ENOX1: variants seen among roughly 807,000 people sequenced by gnomAD.
ENOX1 encodes ecto-NOX disulfide-thiol exchanger 1, also known as candidate growth-related and time keeping constitutive hydroquinone (NADH) oxidase.
ENOX1 carries 42 observed loss-of-function variants against 82.5 expected under a neutral mutation model. The ratio of observed to expected loss-of-function variants is 0.51; its 90% CI spans 0.40 to 0.66. The LOEUF (loss-of-function observed/expected upper bound fraction) is 0.66. Among genes scored for constraint, ENOX1 ranks in the 30% least tolerant of loss-of-function variants. ENOX1 has a pLI of 0.00. For missense variants in ENOX1, 608 were observed against 811.6 expected, an observed-to-expected ratio of 0.75 and a Z score of 3.05; for synonymous variants, 271 against 282.2, an observed-to-expected ratio of 0.96 and a Z score of 0.40.
At chr13:43,559,895 GC>G (rs2079595772) in intron 2 of ENOX1, among the ~76,000 whole-genome samples, 1 of 152,128 alleles carries the variant, frequency 6.6e-6, no homozygotes, top group South Asian at 2.1e-4. Context: ...TATACTCTAG[GC>G]CTTTTCTTTA....
At chr13:43,364,365 A>G (rs189697130) in intron 5 of ENOX1, among the ~76,000 whole-genome samples, 3 of 152,282 alleles carry the variant, frequency 2.0e-5, no homozygotes, top group African/African-American at 7.2e-5. Flanking sequence ...AAAGAATCCA[A>G]TTACGTATAC....
At chr13:43,734,704 A>G (rs1381619279) in intron 1 of ENOX1, among the ~76,000 whole-genome samples, 1 of 152,178 alleles carries the variant, frequency 6.6e-6, no homozygotes, top group Non-Finnish European at 1.5e-5. Flanking sequence ...TAATGAAATC[A>G]CAGCATGCAC....
intron 2 of ENOX1, among the ~76,000 whole-genome samples, chr13:43,608,738 A>G (rs2082074920): frequency 6.6e-6 from 1 of 152,170 alleles, no homozygotes; most frequent in South Asian, 2.1e-4. Flanking sequence ...CATCCTATAT[A>G]TGAACCAAAG....
intron 13 of ENOX1, among the ~76,000 whole-genome samples, chr13:43,267,047 A>G (rs1234978221): frequency 1.3e-5 from 2 of 150,434 alleles, no homozygotes; most frequent in Non-Finnish European, 3.0e-5. Context: ...TTCTCCCCTC[A>G]CTCCCTGTCT....
At chr13:43,445,560 G>A (rs1053661648) in intron 3 of ENOX1, among the ~76,000 whole-genome samples, 1 of 152,110 alleles carries the variant, frequency 6.6e-6, no homozygotes, top group Admixed American at 6.5e-5. Flanking sequence ...CCTGGCTTGG[G>A]GGTTCTGAAT....
chr13:43,493,841 A>G (rs1321813301), intron 2 of ENOX1, among the ~76,000 whole-genome samples: 1 of 152,198 alleles, frequency 6.6e-6, no homozygotes, highest in Non-Finnish European at 1.5e-5. Flanking sequence ...ACGCTGCTAC[A>G]AAGAACTGCT....
At chr13:43,422,066 T>A (rs1309466411) in intron 3 of ENOX1, among the ~76,000 whole-genome samples, 1 of 151,364 alleles carries the variant, frequency 6.6e-6, no homozygotes, top group South Asian at 2.1e-4. Flanking sequence ...ACAATGAGGG[T>A]GGAGGGATTT....
intron 2 of ENOX1, among the ~76,000 whole-genome samples, chr13:43,614,670 T>C (rs927817126): frequency 2.0e-5 from 3 of 151,878 alleles, no homozygotes; most frequent in Admixed American, 2.0e-4. Flanking sequence ...CCTACATTCA[T>C]GACTAATGAC....
At chr13:43,506,845 G>T (rs1438785571) in intron 2 of ENOX1, among the ~76,000 whole-genome samples, 1 of 151,086 alleles carries the variant, frequency 6.6e-6, no homozygotes, top group Non-Finnish European at 1.5e-5. Flanking sequence ...GTGGGGTGGG[G>T]GGACGGGGGA....
chr13:43,660,574 G>A (rs1236173641), intron 2 of ENOX1, among the ~76,000 whole-genome samples: 2 of 152,066 alleles, frequency 1.3e-5, no homozygotes, highest in African/African-American at 2.4e-5. Flanking sequence ...TTGCCCTAAC[G>A]ATATATTGGA....
chr13:43,375,337 C>G (rs185139813), intron 5 of ENOX1, among the ~76,000 whole-genome samples: 24 of 152,242 alleles, frequency 1.6e-4, no homozygotes, highest in Admixed American at 8.5e-4. Flanking sequence ...TGGTTCTCAG[C>G]AGAACTATGC....
intron 2 of ENOX1, among the ~76,000 whole-genome samples, chr13:43,617,656 G>A (rs562802908): frequency 1.6e-4 from 25 of 152,226 alleles, no homozygotes; most frequent in Middle Eastern, 3.4e-3. Context: ...CCACAATTTC[G>A]CAATTGTGAA....
intron 5 of ENOX1, among the ~76,000 whole-genome samples, chr13:43,377,777 A>C (rs1034296818): frequency 1.3e-5 from 2 of 152,178 alleles, no homozygotes; most frequent in Non-Finnish European, 2.9e-5. Flanking sequence ...AGGAACTCAC[A>C]CTCAGGTCAG....
At chr13:43,485,785 A>T (rs1202795326) in intron 2 of ENOX1, among the ~76,000 whole-genome samples, 3 of 152,202 alleles carry the variant, frequency 2.0e-5, no homozygotes, top group Non-Finnish European at 4.4e-5. Flanking sequence ...ACTCAGAAAC[A>T]CATTTTCAGG....
At chr13:43,235,844 C>T (rs1292548429) in intron 15 of ENOX1, among the ~76,000 whole-genome samples, 1 of 152,142 alleles carries the variant, frequency 6.6e-6, no homozygotes, top group Non-Finnish European at 1.5e-5. Flanking sequence ...TTAACCATGC[C>T]ACCATGGAGC....
intron 11 of ENOX1, among the ~76,000 whole-genome samples, chr13:43,302,776 T>C (rs960772132): frequency 5.3e-5 from 8 of 152,246 alleles, no homozygotes; most frequent in African/African-American, 1.9e-4. Context: ...GATAATGCCA[T>C]GCTTAACTTC....
intron 1 of ENOX1, among the ~76,000 whole-genome samples, chr13:43,749,764 T>C (rs1282025734): frequency 6.6e-6 from 1 of 152,206 alleles, no homozygotes; most frequent in African/African-American, 2.4e-5. Context: ...GTTGAGTAAT[T>C]AGTAACTCAA....
chr13:43,232,614 G>C (rs2042340530), intron 15 of ENOX1, among the ~76,000 whole-genome samples: 1 of 152,166 alleles, frequency 6.6e-6, no homozygotes, highest in African/African-American at 2.4e-5. Context: ...GTGTGAGATG[G>C]TGACTGTGAT....
At chr13:43,628,230 G>A (rs192528792) in intron 2 of ENOX1, among the ~76,000 whole-genome samples, 51 of 152,164 alleles carry the variant, frequency 3.4e-4, no homozygotes, top group East Asian at 2.5e-3. Flanking sequence ...CTTCGATGCC[G>A]TGAATGTTAG....
Sources: allele counts gnomAD v4.1 joint callset (sites outside exome capture counted in the v4.1 genomes callset), GRCh38; gene constraint gnomAD v4.1.1; transcripts MANE v1.5; gene names NCBI Gene and HGNC (gene_info 2026-07-23, HGNC 2026-07-21).